ZBTB20: variants seen among roughly 807,000 people sequenced by gnomAD.
ZBTB20 encodes zinc finger and BTB domain-containing protein 20.
Under a neutral mutation model 56.9 loss-of-function variants are expected in ZBTB20, and 9 were observed. The ratio of observed to expected loss-of-function variants is 0.16; its 90% CI spans 0.10 to 0.28. The LOEUF is 0.28. Among genes scored for constraint, ZBTB20 ranks in the 10% least tolerant of loss-of-function variants. ZBTB20 has a pLI of 1.00. For synonymous variants in ZBTB20, 417 were observed against 420.7 expected (o/e 0.99, Z 0.11); for missense variants, 655 against 1,003.0 (o/e 0.65, Z 4.69).
At chr3:114,628,543 T>C (rs1282283552) in intron 6 of ZBTB20, among the ~76,000 whole-genome samples, 1 of 152,110 alleles carries the variant, frequency 6.6e-6, no homozygotes, top group Non-Finnish European at 1.5e-5. Flanking sequence ...ACTACAAATC[T>C]GAGGACCAGC....
intron 3 of ZBTB20, among the ~76,000 whole-genome samples, chr3:114,960,858 T>A (rs577621117): frequency 7.9e-5 from 12 of 151,710 alleles, no homozygotes; most frequent in African/African-American, 2.9e-4. Context: ...AAGGACATAG[T>A]GAGGAAATGA....
At position 114,316,592 on chromosome 3, in the gene ZBTB20, A is replaced by G. The variant is rs533084328; in HGVS notation, c.*22413T>C. 1 of 533,560 alleles carries G rather than the reference A, an allele frequency of 1.9e-6. No individual in the cohort carries two copies. Among genetic ancestry groups the G allele is most frequent in the Admixed American group, 1.9e-5 (1 of 51,372 alleles). 33.1% of individuals were successfully genotyped at this position (533,560 alleles called of 1,614,324 possible). On this transcript the variant is annotated 3_prime_UTR_variant, in exon 12 of 12. Transcript: ENST00000675478. ...ATCGTTTCAACTGGAGATAAACTGA[A>G]CTGGGTTCAGACACTAGCACATGCT...
intron 3 of ZBTB20, among the ~76,000 whole-genome samples, chr3:114,949,351 A>G (rs1348372175): frequency 6.8e-6 from 1 of 146,772 alleles, no homozygotes; most frequent in Non-Finnish European, 1.5e-5. Context: ...TCTTTATGAC[A>G]TTAAGGTAGG....
intron 1 of ZBTB20, among the ~76,000 whole-genome samples, chr3:115,114,701 T>C (rs1380410001): frequency 1.3e-5 from 2 of 152,040 alleles, no homozygotes; most frequent in African/African-American, 4.8e-5. Context: ...AATCACATTG[T>C]AATGAAAAGA....
rs2083871827 is a variant in ZBTB20, at chr3:115,111,181, T to C, written c.-703+36038A>G. On this transcript the variant is annotated intron_variant, in intron 1 of 11. Coordinates refer to ENST00000675478, the MANE Select transcript of ZBTB20 (RefSeq NM_001348800.3). ...CCACTGAAAATGTAATAACTGGATC[T>C]TCCATAACACAAATAATACTCCCAA... Among the ~76,000 whole-genome samples the C allele has an allele frequency of 2.6e-5, 4 of 152,202 alleles. No individual in the cohort carries two copies. In the South Asian group the frequency reaches 8.3e-4, roughly 32 times the overall value.
At chr3:114,729,142 T>C (rs2065532430) in intron 5 of ZBTB20, among the ~76,000 whole-genome samples, 1 of 152,182 alleles carries the variant, frequency 6.6e-6, no homozygotes, top group Non-Finnish European at 1.5e-5. Flanking sequence ...ACGGTCCCAT[T>C]TGTCACCAAA....
chr3:114,727,857 A>G (rs2065422632), intron 5 of ZBTB20, among the ~76,000 whole-genome samples: 1 of 152,130 alleles, frequency 6.6e-6, no homozygotes, highest in African/African-American at 2.4e-5. Flanking sequence ...TAATAACAAT[A>G]ATTACCACAA....
intron 3 of ZBTB20, among the ~76,000 whole-genome samples, chr3:114,921,483 C>G (rs1325654295): frequency 6.6e-6 from 1 of 152,054 alleles, no homozygotes; most frequent in Admixed American, 6.6e-5. Context: ...ATGCCCATCC[C>G]TCTCAAACAG....
At chr3:114,377,308 T>G (rs1457463378) in intron 10 of ZBTB20, among the ~76,000 whole-genome samples, 1 of 152,224 alleles carries the variant, frequency 6.6e-6, no homozygotes, top group Admixed American at 6.5e-5. Context: ...GTAGGCGCAC[T>G]GCAAAGCAAC....
chr3:115,004,364 C>A (rs1382482412), intron 2 of ZBTB20, among the ~76,000 whole-genome samples: 2 of 151,672 alleles, frequency 1.3e-5, no homozygotes, highest in African/African-American at 4.8e-5. Context: ...CAAGACTGAA[C>A]ATTACATTAC....
chr3:114,921,621 A>C (rs866267652), intron 3 of ZBTB20, among the ~76,000 whole-genome samples: 6 of 150,202 alleles, frequency 4.0e-5, no homozygotes, highest in Admixed American at 4.0e-4. Context: ...AGGACAAAAA[A>C]CCAAACACCG....
chr3:114,505,074 T>G (rs1408707138), intron 6 of ZBTB20, among the ~76,000 whole-genome samples: 2 of 152,146 alleles, frequency 1.3e-5, no homozygotes, highest in African/African-American at 4.8e-5. Context: ...TTCTAAATAT[T>G]TCACAGTGGT....
In ZBTB20 at chr3:114,322,491, T is replaced by C. The variant is rs2078929742; in HGVS notation, c.*16514A>G. 1 of 152,212 alleles carries C rather than the reference T, an allele frequency of 6.6e-6. No homozygotes were observed. The highest frequency in any genetic ancestry group is 2.1e-4 in the South Asian group (1 of 4,830). 9.4% of individuals were successfully genotyped at this position (152,212 alleles called of 1,614,324 possible). On this transcript the variant is annotated 3_prime_UTR_variant, in exon 12 of 12. Coordinates refer to ENST00000675478, the MANE Select transcript of ZBTB20 (RefSeq NM_001348800.3). Reference sequence around the variant, plus strand: ...GGAAATTGCGATCTGAAGATTAAAATCTTTGGTGACAGAACTGGAGTGGAT... The same window carrying C: ...GGAAATTGCGATCTGAAGATTAAAACCTTTGGTGACAGAACTGGAGTGGAT...
rs2108050369 is a variant in ZBTB20 at position 114,974,383 on chromosome 3, C to A, written c.-473G>T. 1 of 152,050 alleles carries A rather than the reference C, an allele frequency of 6.6e-6. No individual in the cohort carries two copies. The highest frequency in any genetic ancestry group is 6.6e-5 in the Admixed American group (1 of 15,266). The allele number at this position is 152,050 out of a possible 1,614,324, so 9.4% of individuals were successfully genotyped here. A position where few individuals can be genotyped will look rare whatever the true frequency, so the allele number is the denominator to read the frequency against. ...GACATTACCTTCAGCCTTCAGAGTC[C>A]CAAAGGCAATTCTTAACACTTCTTT... On this transcript the variant is annotated 5_prime_UTR_variant, in exon 3 of 12. Transcript: ENST00000675478.
intron 6 of ZBTB20, among the ~76,000 whole-genome samples, chr3:114,505,983 C>T (rs1031491370): frequency 6.6e-6 from 1 of 152,022 alleles, no homozygotes; most frequent in Non-Finnish European, 1.5e-5. Flanking sequence ...AGGAGAAAGC[C>T]AGATGCAAGG....
intron 7 of ZBTB20, among the ~76,000 whole-genome samples, chr3:114,405,439 A>G (rs1234364914): frequency 6.6e-6 from 1 of 152,200 alleles, no homozygotes; most frequent in African/African-American, 2.4e-5. Flanking sequence ...CGGTCTTATC[A>G]TCAACAGCTT....
At chr3:115,080,127 T>C (rs2082744379) in intron 1 of ZBTB20, among the ~76,000 whole-genome samples, 1 of 152,160 alleles carries the variant, frequency 6.6e-6, no homozygotes, top group Non-Finnish European at 1.5e-5. Context: ...ATGAGGTTTA[T>C]GGGATTAGTA....
At chr3:114,651,549 G>GT (rs1491361405) in intron 6 of ZBTB20, among the ~76,000 whole-genome samples, 2 of 62,808 alleles carry the variant, frequency 3.2e-5, no homozygotes, top group African/African-American at 9.5e-5. Context: ...TGGTTGGATA[G>GT]TAAAAAAAAA....
chr3:115,053,541 C>A (rs1332671277), intron 2 of ZBTB20, among the ~76,000 whole-genome samples: 1 of 152,094 alleles, frequency 6.6e-6, no homozygotes, highest in African/African-American at 2.4e-5. Context: ...AGAGTACTTG[C>A]TCAATAATTT....
Sources: gnomAD v4.1 joint callset for allele counts (sites outside exome capture counted in the v4.1 genomes callset) on GRCh38, gnomAD v4.1.1 for gene constraint, MANE v1.5 for transcripts, NCBI Gene and HGNC (gene_info 2026-07-23, HGNC 2026-07-21) for gene names.